The following NRG1 variants were observed in gnomAD, a reference collection of about 807,000 sequenced individuals.
NRG1 encodes the protein pro-neuregulin-1, membrane-bound isoform.
A neutral mutation model predicts 63.8 loss-of-function variants in NRG1; 18 were observed. The observed-to-expected ratio is 0.28, with a 90% CI of 0.19 to 0.42. The LOEUF is 0.42. Ranked by LOEUF, NRG1 falls within the 10% of genes least tolerant of loss-of-function variation. The probability of loss-of-function intolerance (pLI) is 1.00; values close to 1 mark genes in which losing one functional copy is unlikely to be tolerated. For missense variants in NRG1, 762 were observed against 814.7 expected (o/e 0.94, Z 0.79); for synonymous variants, 302 against 301.3 (o/e 1.00, Z -0.02).
At chr8:32,503,544 T>C (rs1828138061) in intron 1 of NRG1, among the ~76,000 whole-genome samples, 3 of 152,158 alleles carry the variant, frequency 2.0e-5, no homozygotes, top group South Asian at 4.1e-4. Flanking sequence ...TAAAATGCCA[T>C]CTATAAGTTT....
intron 1 of NRG1, among the ~76,000 whole-genome samples, chr8:32,353,606 G>C (rs1056035954): frequency 3.9e-5 from 6 of 152,098 alleles, no homozygotes; most frequent in Non-Finnish European, 7.4e-5. Context: ...GCAAATTAAA[G>C]CTAAAATGAG....
chr8:32,046,288 C>T (rs1820984258), intron 1 of NRG1, among the ~76,000 whole-genome samples: 1 of 152,024 alleles, frequency 6.6e-6, no homozygotes, highest in African/African-American at 2.4e-5. Context: ...ACGAAAGACC[C>T]TTTCACTACC....
At chr8:32,137,456 A>G (rs1835693489) in intron 1 of NRG1, among the ~76,000 whole-genome samples, 1 of 152,122 alleles carries the variant, frequency 6.6e-6, no homozygotes, top group South Asian at 2.1e-4. Flanking sequence ...GAAAAAAAAT[A>G]AAATAAAAGA....
intron 1 of NRG1, among the ~76,000 whole-genome samples, chr8:31,864,832 C>A (rs900047771): frequency 6.6e-6 from 1 of 152,060 alleles, no homozygotes; most frequent in Non-Finnish European, 1.5e-5. Context: ...ATGGACTGAG[C>A]AGATAGGTGA....
chr8:32,526,686 G>C (rs1033393288), intron 1 of NRG1, among the ~76,000 whole-genome samples: 3 of 152,078 alleles, frequency 2.0e-5, no homozygotes, highest in African/African-American at 7.2e-5. Flanking sequence ...CCTCCATCTT[G>C]CACAATCCAG....
At chr8:32,700,747 A>G (rs1331049136) in intron 5 of NRG1, among the ~76,000 whole-genome samples, 3 of 152,234 alleles carry the variant, frequency 2.0e-5, no homozygotes, top group Non-Finnish European at 2.9e-5. Flanking sequence ...CTAAGATAGT[A>G]TATGTAATTC....
chr8:31,784,556 A>G (rs1563398601), intron 1 of NRG1, among the ~76,000 whole-genome samples: 1 of 152,224 alleles, frequency 6.6e-6, no homozygotes, highest in Non-Finnish European at 1.5e-5. Context: ...AAATAGCAGA[A>G]TTTGCACACG....
chr8:32,286,360 G>GGCT, intron 1 of NRG1, among the ~76,000 whole-genome samples: 1 of 152,312 alleles, frequency 6.6e-6, no homozygotes, highest in South Asian at 2.1e-4. Flanking sequence ...GGTAGGTGGG[G>GGCT]GCTGATGGTC....
chr8:31,695,333 C>T (rs543408756), intron 1 of NRG1, among the ~76,000 whole-genome samples: 1 of 152,290 alleles, frequency 6.6e-6, no homozygotes, highest in East Asian at 1.9e-4. Flanking sequence ...CCACGCTAGG[C>T]TACTGTTTAT....
chr8:32,531,237 A>G (rs1831424934), intron 1 of NRG1, among the ~76,000 whole-genome samples: 1 of 152,148 alleles, frequency 6.6e-6, no homozygotes, highest in Non-Finnish European at 1.5e-5. Context: ...ATTCTAATGA[A>G]AATTCTAGAA....
chr8:31,750,588 C>G (rs1364434018), intron 1 of NRG1, among the ~76,000 whole-genome samples: 2 of 151,852 alleles, frequency 1.3e-5, no homozygotes, highest in Non-Finnish European at 2.9e-5. Flanking sequence ...CTTTAGGATT[C>G]TGATGCATCT....
intron 6 of NRG1, among the ~76,000 whole-genome samples, chr8:32,740,113 T>C (rs539804978): frequency 4.5e-4 from 69 of 152,062 alleles, no homozygotes; most frequent in South Asian, 1.7e-3. Flanking sequence ...TTTTTTCTTA[T>C]ATACGTTCAG....
intron 5 of NRG1, among the ~76,000 whole-genome samples, chr8:32,623,964 A>G (rs1337383043): frequency 2.6e-5 from 4 of 152,132 alleles, no homozygotes. Context: ...ATGTGTGTGT[A>G]TGTGTATGAG....
intron 1 of NRG1, among the ~76,000 whole-genome samples, chr8:31,856,987 C>G (rs543847085): frequency 7.4e-6 from 1 of 134,366 alleles, no homozygotes; most frequent in South Asian, 2.5e-4. Context: ...TCTCCAGCTG[C>G]GTGCTGGGAG....
intron 1 of NRG1, among the ~76,000 whole-genome samples, chr8:32,445,267 T>G (rs981984079): frequency 3.3e-5 from 5 of 152,352 alleles, no homozygotes; most frequent in African/African-American, 1.2e-4. Context: ...TAGAAAGTAT[T>G]GTTATACTGT....
chr8:32,000,939 C>T (rs1812819283), intron 1 of NRG1, among the ~76,000 whole-genome samples: 1 of 151,814 alleles, frequency 6.6e-6, no homozygotes, highest in African/African-American at 2.4e-5. Context: ...ATAAATACCC[C>T]TATTACACAT....
At chr8:32,386,856 A>G (rs1261260249) in intron 1 of NRG1, among the ~76,000 whole-genome samples, 1 of 152,224 alleles carries the variant, frequency 6.6e-6, no homozygotes, top group African/African-American at 2.4e-5. Context: ...GCAAATAGTT[A>G]TCTATTATGC....
intron 1 of NRG1, among the ~76,000 whole-genome samples, chr8:32,402,861 T>G (rs1351092259): frequency 6.6e-6 from 1 of 152,206 alleles, no homozygotes; most frequent in African/African-American, 2.4e-5. Flanking sequence ...TACCCACGGT[T>G]TCAGGCATCC....
chr8:32,279,534 G>C (rs1053804749), intron 1 of NRG1, among the ~76,000 whole-genome samples: 3 of 152,056 alleles, frequency 2.0e-5, no homozygotes, highest in African/African-American at 7.2e-5. Context: ...TATATTTTTA[G>C]TAGAGATGGG....
Sources: gnomAD v4.1 joint callset for allele counts (sites outside exome capture counted in the v4.1 genomes callset) on GRCh38, gnomAD v4.1.1 for gene constraint, MANE v1.5 for transcripts, NCBI Gene and HGNC (gene_info 2026-07-23, HGNC 2026-07-21) for gene names.